The following SDK1 variants were observed in gnomAD, a reference collection of about 807,000 sequenced individuals.
SDK1 encodes sidekick cell adhesion molecule 1.
SDK1 carries 157 observed loss-of-function variants against 245.5 expected under a neutral mutation model. That is an observed-to-expected ratio of 0.64 (90% CI 0.56 to 0.73). The LOEUF (loss-of-function observed/expected upper bound fraction) is 0.73. Among genes scored for constraint, SDK1 ranks in the 30% least tolerant of loss-of-function variants. The probability of loss-of-function intolerance (pLI) is 0.00; values close to 1 mark genes in which losing one functional copy is unlikely to be tolerated. For missense variants in SDK1, 3,583 were observed against 3,002.3 expected (o/e 1.19, Z -4.52); for synonymous variants, 1,647 against 1,278.5 (o/e 1.29, Z -6.15).
At chr7:3,474,312 T>A (rs925171702) in intron 1 of SDK1, among the ~76,000 whole-genome samples, 1 of 151,832 alleles carries the variant, frequency 6.6e-6, no homozygotes, top group Non-Finnish European at 1.5e-5. Context: ...GCCAGGATGG[T>A]CTCGGTCTCT....
rs189476915 is a variant in SDK1, at chr7:3,719,773, T to C, written c.713+77668T>C. ...GTGGGTGGATCATGAGGTGAAGAGA[T>C]TGAGACCATCCTGGCCAACATGGTG... On this transcript the variant is annotated intron_variant, in intron 4 of 44. Transcript: ENST00000404826. Among the ~76,000 whole-genome samples, 137 of 151,898 alleles carry C rather than the reference T, an allele frequency of 9.0e-4. No homozygotes were observed. In the East Asian group the frequency reaches 0.024, roughly 27 times the overall value.
At chr7:3,821,426 C>T (rs1374033929) in intron 4 of SDK1, 24 bp from the exon 5 acceptor site, 1 of 1,605,712 alleles carries the variant, frequency 6.2e-7, no homozygotes, top group Admixed American at 1.7e-5. Flanking sequence ...AGCTTTGACA[C>T]TGTCCTCTTC....
chr7:3,710,885 G>C (rs1232909756), intron 4 of SDK1, among the ~76,000 whole-genome samples: 1 of 152,124 alleles, frequency 6.6e-6, no homozygotes, highest in Non-Finnish European at 1.5e-5. Flanking sequence ...ACAAATACCT[G>C]GTTGATATCT....
At chr7:3,330,557 G>C (rs974978539) in intron 1 of SDK1, among the ~76,000 whole-genome samples, 4 of 152,110 alleles carry the variant, frequency 2.6e-5, no homozygotes, top group African/African-American at 4.8e-5. Context: ...GCATTGTTTT[G>C]TCATGTGATG....
intron 4 of SDK1, among the ~76,000 whole-genome samples, chr7:3,700,063 A>G (rs1015023029): frequency 6.6e-6 from 1 of 152,212 alleles, no homozygotes; most frequent in African/African-American, 2.4e-5. Context: ...TCACTTACTG[A>G]AAGACAAGAA....
chr7:3,751,049 C>G (rs1232406990), intron 4 of SDK1, among the ~76,000 whole-genome samples: 1 of 152,304 alleles, frequency 6.6e-6, no homozygotes, highest in East Asian at 1.9e-4. Context: ...GCAATACCTT[C>G]GAGCTCCACC....
At position 3,962,867 on chromosome 7, in the gene SDK1, C is replaced by T. The variant is rs1437652936; in HGVS notation, c.1429+16C>T. The T allele has an allele frequency of 4.4e-6, 7 of 1,597,208 alleles. No individual in the cohort carries two copies. The highest frequency in any genetic ancestry group is 2.7e-5 in the African/African-American group (2 of 74,488). On this transcript the variant is annotated intron_variant, in intron 9 of 44. Transcript: ENST00000404826. Reference sequence around the variant, plus strand: ...GATGTAACCAGTGAGTACACCCAGGCCCACAGCTACCTGACCTGGACGTAT... The same window carrying T: ...GATGTAACCAGTGAGTACACCCAGGTCCACAGCTACCTGACCTGGACGTAT...
At chr7:3,875,210 T>C (rs1307441728) in intron 5 of SDK1, among the ~76,000 whole-genome samples, 1 of 141,634 alleles carries the variant, frequency 7.1e-6, no homozygotes, top group Admixed American at 7.0e-5. Context: ...TTTGAGTTAG[T>C]TTTTTCCCTG....
intron 1 of SDK1, among the ~76,000 whole-genome samples, chr7:3,442,035 G>A (rs10256740): frequency 0.38 from 58,144 of 152,036 alleles, 12,488 homozygotes; most frequent in South Asian, 0.49. Flanking sequence ...CCAGTTGACC[G>A]TTACGTGTAC....
At chr7:3,972,146 C>T (rs1782538050) in intron 12 of SDK1, among the ~76,000 whole-genome samples, 1 of 146,380 alleles carries the variant, frequency 6.8e-6, no homozygotes, top group African/African-American at 2.5e-5. Context: ...GTGGCATTAT[C>T]TCAGCTCACT....
At chr7:4,168,499 T>G (rs1781636652) in intron 32 of SDK1, among the ~76,000 whole-genome samples, 1 of 152,216 alleles carries the variant, frequency 6.6e-6, no homozygotes, top group Admixed American at 6.5e-5. Flanking sequence ...AAACCACACT[T>G]GGGCCCAGGG....
At chr7:4,064,374 C>G (rs901461832) in intron 19 of SDK1, among the ~76,000 whole-genome samples, 3 of 152,060 alleles carry the variant, frequency 2.0e-5, no homozygotes, top group African/African-American at 7.2e-5. Context: ...CAATGAGGTA[C>G]CATTTTATCC....
chr7:3,486,281 A>C (rs150396502), intron 1 of SDK1, among the ~76,000 whole-genome samples: 1 of 151,720 alleles, frequency 6.6e-6, no homozygotes, highest in South Asian at 2.1e-4. Flanking sequence ...TTCCATTTCT[A>C]TTGTACTTTA....
intron 1 of SDK1, among the ~76,000 whole-genome samples, chr7:3,385,376 A>G (rs926321006): frequency 7.2e-5 from 11 of 152,184 alleles, no homozygotes; most frequent in African/African-American, 2.4e-4. Flanking sequence ...TATATAGGGG[A>G]AGAAAATTCC....
intron 44 of SDK1, among the ~76,000 whole-genome samples, chr7:4,264,411 A>C (rs570340788): frequency 9.4e-6 from 1 of 105,926 alleles, no homozygotes; most frequent in African/African-American, 3.4e-5. Context: ...TGGGGTAAGG[A>C]AGGCCGCGTG....
At chr7:3,406,068 C>T (rs1562467514) in intron 1 of SDK1, among the ~76,000 whole-genome samples, 2 of 152,130 alleles carry the variant, frequency 1.3e-5, no homozygotes, top group South Asian at 4.1e-4. Flanking sequence ...CTGCCTTGGC[C>T]TCCCAAAGTG....
chr7:3,781,201 G>A (rs749986184), intron 4 of SDK1, among the ~76,000 whole-genome samples: 1 of 152,106 alleles, frequency 6.6e-6, no homozygotes, highest in Non-Finnish European at 1.5e-5. Flanking sequence ...CTGCCCAACT[G>A]TAGATCTCAA....
chr7:4,102,309 G>A (rs1363696412), intron 22 of SDK1, among the ~76,000 whole-genome samples: 1 of 152,188 alleles, frequency 6.6e-6, no homozygotes. Flanking sequence ...GCTGTGGTGG[G>A]CACGGGGAGG....
At chr7:3,875,869 G>A (rs756730777) in intron 5 of SDK1, among the ~76,000 whole-genome samples, 2 of 152,174 alleles carry the variant, frequency 1.3e-5, no homozygotes, top group Non-Finnish European at 2.9e-5. Flanking sequence ...ACCACCTGCA[G>A]CTGGTAGGTC....
Sources: allele counts gnomAD v4.1 joint callset (sites outside exome capture counted in the v4.1 genomes callset), GRCh38; gene constraint gnomAD v4.1.1; transcripts MANE v1.5; gene names NCBI Gene and HGNC (gene_info 2026-07-23, HGNC 2026-07-21).